Variants in FAM13A observed in about 807,000 individuals in gnomAD.
FAM13A encodes the protein family with sequence similarity 13 member A, also known as protein FAM13A.
A neutral mutation model predicts 129.6 loss-of-function variants in FAM13A; 76 were observed. That is an observed-to-expected ratio of 0.59 (90% CI 0.49 to 0.71). FAM13A has a LOEUF of 0.71. Ranked by LOEUF, FAM13A falls within the 30% of genes least tolerant of loss-of-function variation. The pLI, the probability that FAM13A is intolerant of heterozygous loss-of-function variation, is 0.00. For synonymous variants in FAM13A, 443 were observed against 449.9 expected (o/e 0.98, Z 0.20); for missense variants, 1,108 against 1,249.3 (o/e 0.89, Z 1.70).
chr4:88,740,588 T>C (rs767279996), intron 19 of FAM13A, among the ~76,000 whole-genome samples: 23 of 152,256 alleles, frequency 1.5e-4, no homozygotes, highest in Non-Finnish European at 3.2e-4. Flanking sequence ...TCACATATAA[T>C]AAGGCAAGAG....
At chr4:88,895,676 T>C (rs1348626221) in intron 6 of FAM13A, among the ~76,000 whole-genome samples, 8 of 131,258 alleles carry the variant, frequency 6.1e-5, no homozygotes, top group South Asian at 2.7e-4. Flanking sequence ...AAAATGCTCA[T>C]CATCACTGGC....
intron 6 of FAM13A, among the ~76,000 whole-genome samples, chr4:88,858,420 G>T (rs980910062): frequency 1.3e-5 from 2 of 152,148 alleles, no homozygotes; most frequent in Non-Finnish European, 2.9e-5. Flanking sequence ...ATAAAATTTT[G>T]CAGTAAAACA....
chr4:89,037,346 G>T (rs1268763752), intron 1 of FAM13A, among the ~76,000 whole-genome samples: 1 of 152,226 alleles, frequency 6.6e-6, no homozygotes, highest in Non-Finnish European at 1.5e-5. Flanking sequence ...TGACTGCCCT[G>T]CTGGGTTTCA....
At chr4:88,820,414 G>C (rs1317413924) in intron 7 of FAM13A, among the ~76,000 whole-genome samples, 1 of 152,112 alleles carries the variant, frequency 6.6e-6, no homozygotes, top group East Asian at 1.9e-4. Context: ...ATTACCTTAG[G>C]ATAACTGGCA....
chr4:88,769,105 C>T (rs528262416), intron 11 of FAM13A, among the ~76,000 whole-genome samples: 1 of 152,290 alleles, frequency 6.6e-6, no homozygotes, highest in Admixed American at 6.5e-5. Context: ...ATGAAAGTAA[C>T]ATATGTTCAT....
chr4:88,948,172 TG>T (rs1323334437), intron 4 of FAM13A, among the ~76,000 whole-genome samples: 1 of 152,146 alleles, frequency 6.6e-6, no homozygotes, highest in African/African-American at 2.4e-5. Flanking sequence ...AGGGGCTAGC[TG>T]GAAGGGTTAA....
intron 1 of FAM13A, 170 bp from the exon 2 acceptor site, chr4:89,029,819 A>G: frequency 1.5e-6 from 1 of 661,630 alleles, no homozygotes; most frequent in African/African-American, 1.9e-5. Context: ...TTGCTCAGAT[A>G]TAATGGTTAA....
intron 4 of FAM13A, among the ~76,000 whole-genome samples, chr4:88,951,532 G>C (rs980057326): frequency 6.6e-6 from 1 of 152,060 alleles, no homozygotes; most frequent in East Asian, 1.9e-4. Flanking sequence ...AAGGTGATTA[G>C]GATCAAACTT....
chr4:88,837,814 T>C (rs988201002), intron 7 of FAM13A, among the ~76,000 whole-genome samples: 2 of 152,036 alleles, frequency 1.3e-5, no homozygotes, highest in Admixed American at 6.6e-5. Flanking sequence ...TCTTCCTTTT[T>C]CAGTTATATT....
At chr4:88,933,942 G>C (rs887552072) in intron 5 of FAM13A, among the ~76,000 whole-genome samples, 4 of 152,112 alleles carry the variant, frequency 2.6e-5, no homozygotes, top group African/African-American at 9.7e-5. Context: ...CTGATCCCTT[G>C]TTTCCTTTGT....
intron 19 of FAM13A, among the ~76,000 whole-genome samples, chr4:88,742,804 A>G (rs1228836268): frequency 6.6e-6 from 1 of 152,184 alleles, no homozygotes; most frequent in Non-Finnish European, 1.5e-5. Context: ...CTGCCCACTA[A>G]GAATAGGGCT....
chr4:88,875,109 T>C (rs1225652232), intron 6 of FAM13A, among the ~76,000 whole-genome samples: 1 of 152,150 alleles, frequency 6.6e-6, no homozygotes, highest in Non-Finnish European at 1.5e-5. Flanking sequence ...TGAAACTGGA[T>C]CCCTTCCTTA....
chr4:88,752,832 T>C (rs918549104), intron 14 of FAM13A, among the ~76,000 whole-genome samples: 6 of 152,196 alleles, frequency 3.9e-5, no homozygotes, highest in African/African-American at 7.2e-5. Flanking sequence ...TCTTCTGTCA[T>C]GATATTTCAT....
At chr4:89,006,746 C>T (rs368698766) in intron 3 of FAM13A, among the ~76,000 whole-genome samples, 5 of 152,176 alleles carry the variant, frequency 3.3e-5, no homozygotes, top group African/African-American at 7.2e-5. Context: ...ATGGTGAATG[C>T]GGATTTTTTA....
chr4:88,975,105 T>C (rs1579580012), intron 4 of FAM13A, among the ~76,000 whole-genome samples: 1 of 152,226 alleles, frequency 6.6e-6, no homozygotes, highest in South Asian at 2.1e-4. Context: ...AATAAAATCA[T>C]ATAAAAATCT....
chr4:88,796,156 T>C (rs1007295467), intron 8 of FAM13A, among the ~76,000 whole-genome samples: 28 of 152,030 alleles, frequency 1.8e-4, no homozygotes, highest in Admixed American at 1.4e-3. Context: ...GGTTACCTCT[T>C]AAAATAAGTT....
chr4:88,942,593 TAA>T (rs368082655), intron 4 of FAM13A, among the ~76,000 whole-genome samples: 2 of 143,572 alleles, frequency 1.4e-5, no homozygotes, highest in African/African-American at 5.1e-5. Flanking sequence ...AATAGAAATG[TAA>T]AAAAAAAAAA....
At chr4:88,779,569 G>GC (rs967435338) in intron 11 of FAM13A, among the ~76,000 whole-genome samples, 5 of 152,086 alleles carry the variant, frequency 3.3e-5, no homozygotes, top group African/African-American at 1.2e-4. Context: ...GTTATTCATT[G>GC]CAACAAAGAC....
intron 8 of FAM13A, among the ~76,000 whole-genome samples, chr4:88,795,646 T>C (rs1726008198): frequency 6.6e-6 from 1 of 151,822 alleles, no homozygotes; most frequent in East Asian, 1.9e-4. Flanking sequence ...GTAGTCTGGC[T>C]TCAGGGTATG....
Sources: gnomAD v4.1 joint callset for allele counts (sites outside exome capture counted in the v4.1 genomes callset) on GRCh38, gnomAD v4.1.1 for gene constraint, MANE v1.5 for transcripts, NCBI Gene and HGNC (gene_info 2026-07-23, HGNC 2026-07-21) for gene names.